Variants in COP1 observed in about 807,000 individuals in gnomAD.
COP1 encodes the protein COP1 E3 ubiquitin ligase.
COP1 carries 24 observed loss-of-function variants against 101.3 expected under a neutral mutation model. That is an observed-to-expected ratio of 0.24 (90% CI 0.17 to 0.33). The LOEUF is 0.33. COP1 is among the 10% of genes least tolerant of loss of function. The pLI is 1.00. For missense variants in COP1, 663 were observed against 906.2 expected (o/e 0.73, Z 3.45); for synonymous variants, 347 against 341.9 (o/e 1.01, Z -0.17).
In COP1 at chr1:176,005,921, G is replaced by A. The variant is rs536901542; in HGVS notation, c.1730-16442C>T. ...GGTATCCTTGTTGACTTTCTGTCTC[G>A]TTGATCTGTCTAATGTTGACAGTGG... is the stretch of plus-strand genomic sequence containing the variant. On this transcript the variant is annotated intron_variant, in intron 15 of 19. Transcript: ENST00000367669. 4.2e-3 allele frequency among the ~76,000 whole-genome samples: 632 copies of A among 152,118 alleles called. 3 individuals carry two copies. Among genetic ancestry groups the A allele is most frequent in the South Asian group, 7.3e-3 (35 of 4,814 alleles).
intron 14 of COP1, among the ~76,000 whole-genome samples, chr1:176,033,282 C>A (rs963753161): frequency 6.6e-6 from 1 of 152,000 alleles, no homozygotes; most frequent in East Asian, 1.9e-4. Flanking sequence ...GCTGTCGGGG[C>A]GAGGGTGGGG....
chr1:176,046,937 C>G (rs1451521784), intron 11 of COP1, among the ~76,000 whole-genome samples: 1 of 151,990 alleles, frequency 6.6e-6, no homozygotes, highest in Non-Finnish European at 1.5e-5. Context: ...CCTCATATCA[C>G]AAAAGAGGTT....
chr1:176,167,001 AAG>A (rs769965876), intron 3 of COP1, among the ~76,000 whole-genome samples: 1 of 152,186 alleles, frequency 6.6e-6, no homozygotes, highest in African/African-American at 2.4e-5. Flanking sequence ...TGGAAAATAA[AAG>A]AAGTTATTTT....
intron 5 of COP1, among the ~76,000 whole-genome samples, chr1:176,150,303 A>C (rs1316193801): frequency 6.6e-6 from 1 of 152,244 alleles, no homozygotes; most frequent in Non-Finnish European, 1.5e-5. Flanking sequence ...ATGAACTGAT[A>C]ATCACAACAG....
intron 15 of COP1, among the ~76,000 whole-genome samples, chr1:176,012,101 T>C (rs1233124519): frequency 6.6e-6 from 1 of 152,234 alleles, no homozygotes; most frequent in African/African-American, 2.4e-5. Context: ...GGAGGACTGC[T>C]TGAGCCCAAG....
intron 11 of COP1, among the ~76,000 whole-genome samples, chr1:176,050,097 C>T (rs1381308528): frequency 6.6e-6 from 1 of 152,154 alleles, no homozygotes; most frequent in African/African-American, 2.4e-5. Context: ...TTTTTAATTT[C>T]AACATACAAG....
At chr1:176,185,710 G>C (rs1174280526) in intron 1 of COP1, among the ~76,000 whole-genome samples, 1 of 152,232 alleles carries the variant, frequency 6.6e-6, no homozygotes, top group African/African-American at 2.4e-5. Context: ...GAAGAAAGGA[G>C]GATACTGGTT....
chr1:176,059,923 C>T (rs1289107574), intron 11 of COP1, among the ~76,000 whole-genome samples: 2 of 152,028 alleles, frequency 1.3e-5, no homozygotes, highest in African/African-American at 2.4e-5. Context: ...TTAGTTGTTA[C>T]AAAGTCAAGC....
Position 176,206,786 on chromosome 1 carries a change from C to A in COP1, c.193G>T (p.Val65Leu). The change falls in exon 1 of 20, where the codon GTG becomes TTG. Residue 65 changes from valine to leucine, a missense_variant. By Grantham distance (32) the Val-to-Leu change is conservative (BLOSUM62 1). Transcript: ENST00000367669. ...GCGGGCGCCACCAACACAGGCCGCA[C>A]CGGGCCCCCGAGGCCGCCCGAGCCG... ...AAGSGGLGGP[V>L]RPVLVAPAVS... The A allele has an allele frequency of 7.1e-7, 1 of 1,405,290 alleles. No individual in the cohort carries two copies. The highest frequency in any genetic ancestry group is 9.2e-7 in the Non-Finnish European group (1 of 1,090,376). 87.1% of individuals were successfully genotyped at this position (1,405,290 alleles called of 1,614,324 possible).
intron 15 of COP1, among the ~76,000 whole-genome samples, chr1:176,014,335 A>T (rs1233512950): frequency 6.6e-6 from 1 of 152,216 alleles, no homozygotes; most frequent in Non-Finnish European, 1.5e-5. Flanking sequence ...AGAGAAAGTG[A>T]TTCTGGGTGC....
At chr1:176,085,557 C>A (rs1679982346) in intron 10 of COP1, among the ~76,000 whole-genome samples, 1 of 151,976 alleles carries the variant, frequency 6.6e-6, no homozygotes, top group African/African-American at 2.4e-5. Context: ...TCTAGCTTGC[C>A]ATATAAAGAT....
rs1366725485 is a variant in COP1 at position 176,118,776 on chromosome 1, A to AAAC, written c.969-2096_969-2095insGTT. Among the ~76,000 whole-genome samples the AAAC allele has an allele frequency of 6.9e-4, 105 of 152,198 alleles. 1 individual carries two copies. Among genetic ancestry groups the AAAC allele is most frequent in the Non-Finnish European group, 1.2e-3 (80 of 68,008 alleles). ...AACAAACAAACAAACAAACAAAAAA[A>AAAC]CAAAAACAAAAACAAAATAGCCAGA... is the stretch of plus-strand genomic sequence containing the variant. On this transcript the variant is annotated intron_variant, in intron 8 of 19. Coordinates refer to ENST00000367669, the MANE Select transcript of COP1 (RefSeq NM_022457.7).
At chr1:176,174,007 A>AAAAAAAAAT (rs1456552067) in intron 3 of COP1, among the ~76,000 whole-genome samples, 1 of 122,036 alleles carries the variant, frequency 8.2e-6, no homozygotes, top group Admixed American at 9.3e-5. Flanking sequence ...AAAAAAAAAA[A>AAAAAAAAAT]AGAGAATATA....
chr1:176,031,101 G>T (rs569847742), intron 14 of COP1, among the ~76,000 whole-genome samples: 1 of 152,314 alleles, frequency 6.6e-6, no homozygotes, highest in South Asian at 2.1e-4. Context: ...TTCACAGAGA[G>T]TGTGGCCCTG....
At chr1:176,154,145 GA>G (rs1272899850) in intron 5 of COP1, among the ~76,000 whole-genome samples, 1 of 152,054 alleles carries the variant, frequency 6.6e-6, no homozygotes, top group Non-Finnish European at 1.5e-5. Flanking sequence ...CAATTTTTTG[GA>G]ATAGTTTCAG....
intron 18 of COP1, among the ~76,000 whole-genome samples, chr1:175,979,837 C>A (rs1655385289): frequency 6.6e-6 from 1 of 152,108 alleles, no homozygotes; most frequent in South Asian, 2.1e-4. Context: ...TTCAGCATTT[C>A]TTTGATTCCA....
intron 15 of COP1, among the ~76,000 whole-genome samples, chr1:176,021,672 T>C (rs1200316730): frequency 6.6e-6 from 1 of 152,192 alleles, no homozygotes; most frequent in Non-Finnish European, 1.5e-5. Context: ...TTAACAATGA[T>C]AGGAAAGAAC....
At chr1:175,991,644 A>C (rs1284782964) in intron 15 of COP1, among the ~76,000 whole-genome samples, 1 of 152,242 alleles carries the variant, frequency 6.6e-6, no homozygotes, top group Admixed American at 6.5e-5. Context: ...CACTTAGCTT[A>C]AAACACATAC....
At chr1:176,035,683 T>G (rs553452440) in intron 14 of COP1, among the ~76,000 whole-genome samples, 1 of 147,836 alleles carries the variant, frequency 6.8e-6, no homozygotes, top group East Asian at 2.0e-4. Flanking sequence ...CTTTAACATT[T>G]CTGTCTCATA....
Sources: allele counts gnomAD v4.1 joint callset (sites outside exome capture counted in the v4.1 genomes callset), GRCh38; gene constraint gnomAD v4.1.1; transcripts MANE v1.5; gene names NCBI Gene and HGNC (gene_info 2026-07-23, HGNC 2026-07-21).